NEO1: variants seen among roughly 807,000 people sequenced by gnomAD.
NEO1 encodes neogenin 1.
NEO1 carries 63 observed loss-of-function variants against 159.7 expected under a neutral mutation model. The ratio of observed to expected loss-of-function variants is 0.39; its 90% CI spans 0.32 to 0.49. NEO1 has a LOEUF of 0.49. NEO1 is among the 20% of genes least tolerant of loss of function. The probability of loss-of-function intolerance (pLI) is 0.85; values close to 1 mark genes in which losing one functional copy is unlikely to be tolerated. For missense variants in NEO1, 1,615 were observed against 1,831.0 expected (o/e 0.88, Z 2.15); for synonymous variants, 633 against 662.0 (o/e 0.96, Z 0.67).
chr15:73,190,308 C>T (rs2036169783), intron 7 of NEO1, among the ~76,000 whole-genome samples: 1 of 152,030 alleles, frequency 6.6e-6, no homozygotes, highest in East Asian at 1.9e-4. Flanking sequence ...CTTTTTCTGT[C>T]CTTTCATACC....
chr15:73,195,402 A>T (rs919974165), intron 7 of NEO1, among the ~76,000 whole-genome samples: 1 of 152,270 alleles, frequency 6.6e-6, no homozygotes, highest in Non-Finnish European at 1.5e-5. Flanking sequence ...TATAGTTTCC[A>T]TGCTGCGTCT....
chr15:73,183,202 A>G (rs1360309785), intron 7 of NEO1, among the ~76,000 whole-genome samples: 1 of 152,118 alleles, frequency 6.6e-6, no homozygotes, highest in Middle Eastern at 3.2e-3. Flanking sequence ...CTGCAGCTGC[A>G]GAGAGAGAAT....
chr15:73,133,854 C>G (rs1053862982), intron 4 of NEO1, among the ~76,000 whole-genome samples: 1 of 152,102 alleles, frequency 6.6e-6, no homozygotes, highest in Non-Finnish European at 1.5e-5. Flanking sequence ...GGAGTAAAAT[C>G]AATCCCGTTA....
intron 7 of NEO1, among the ~76,000 whole-genome samples, chr15:73,216,782 T>C (rs1347196173): frequency 6.6e-6 from 1 of 152,204 alleles, no homozygotes; most frequent in Non-Finnish European, 1.5e-5. Context: ...ATGGGGTTGT[T>C]TTTTTCTTGT....
In NEO1 at chr15:73,282,525, G is replaced by T. The variant is rs551143580; in HGVS notation, c.3263-439G>T. On this transcript the variant is annotated intron_variant, in intron 22 of 28. Transcript: ENST00000261908. ...TTTTTATAATCTCAGATATCTGCCT[G>T]TTGGGGAAAACTTCTGCTTTGTATG... is the stretch of plus-strand genomic sequence containing the variant. Among the ~76,000 whole-genome samples the T allele has an allele frequency of 2.6e-5, 4 of 152,334 alleles. No homozygotes were observed. In the South Asian group the frequency reaches 6.2e-4, roughly 24 times the overall value.
In NEO1 at chr15:73,085,303, AG is replaced by A. The variant is rs549585853; in HGVS notation, c.131-31236del. ...TAGATGAATCTCAATGTTGTATGAA[AG>A]TTTGTTCCTTTTCATCACTGAGTAG... On this transcript the variant is annotated intron_variant, in intron 1 of 28. Coordinates refer to ENST00000261908, the MANE Select transcript of NEO1 (RefSeq NM_002499.4). Among the ~76,000 whole-genome samples the A allele has an allele frequency of 4.4e-3, 665 of 152,242 alleles. 1 individual carries two copies. The highest frequency in any genetic ancestry group is 7.8e-3 in the Non-Finnish European group (530 of 68,012).
intron 13 of NEO1, chr15:73,255,623 T>C (rs2040301154): frequency 6.6e-6 from 1 of 152,282 alleles, no homozygotes; most frequent in Non-Finnish European, 1.5e-5. Flanking sequence ...ATGCTTAATA[T>C]GGCTGCAGAA....
intron 5 of NEO1, among the ~76,000 whole-genome samples, chr15:73,172,498 A>G (rs1294356058): frequency 6.6e-6 from 1 of 152,220 alleles, no homozygotes; most frequent in Non-Finnish European, 1.5e-5. Flanking sequence ...GGAATAGTCT[A>G]GTTGAATTCC....
At chr15:73,112,717 G>C (rs2071071728) in intron 1 of NEO1, among the ~76,000 whole-genome samples, 1 of 152,086 alleles carries the variant, frequency 6.6e-6, no homozygotes, top group Admixed American at 6.5e-5. Flanking sequence ...CTACCTGTTC[G>C]ACCTTTGACA....
chr15:73,220,185 T>C (rs931054345), intron 7 of NEO1, among the ~76,000 whole-genome samples: 4 of 152,082 alleles, frequency 2.6e-5, no homozygotes, highest in Admixed American at 6.5e-5. Context: ...ACTTATGAAG[T>C]TTAGTTTGGC....
upstream of NEO1, among the ~76,000 whole-genome samples, chr15:73,052,265 G>A (rs2067471122): frequency 6.9e-6 from 1 of 144,212 alleles, no homozygotes; most frequent in South Asian, 2.1e-4. Context: ...GGCGAGGCGC[G>A]CGCGTGCGCG....
chr15:73,074,263 G>A (rs758413677), intron 1 of NEO1, among the ~76,000 whole-genome samples: 22 of 152,300 alleles, frequency 1.4e-4, no homozygotes, highest in African/African-American at 5.1e-4. Flanking sequence ...TTCTAAAAAC[G>A]GGTTCTGTCT....
At chr15:73,266,823 C>T (rs1485665034) in intron 16 of NEO1, among the ~76,000 whole-genome samples, 1 of 152,154 alleles carries the variant, frequency 6.6e-6, no homozygotes, top group Non-Finnish European at 1.5e-5. Flanking sequence ...TACTAGCCAC[C>T]TGAGTTGGTT....
intron 1 of NEO1, among the ~76,000 whole-genome samples, chr15:73,088,507 T>G (rs759323312): frequency 7.0e-4 from 107 of 152,056 alleles, no homozygotes; most frequent in African/African-American, 1.5e-3. Flanking sequence ...ACCTGATACT[T>G]GTGATGGAAA....
chr15:73,284,347 A>G (rs1317377276), intron 23 of NEO1, among the ~76,000 whole-genome samples: 1 of 152,222 alleles, frequency 6.6e-6, no homozygotes, highest in African/African-American at 2.4e-5. Context: ...GAATGCATGT[A>G]TTTAATAATC....
At chr15:73,177,734 T>A (rs1368911842) in intron 6 of NEO1, among the ~76,000 whole-genome samples, 2 of 152,036 alleles carry the variant, frequency 1.3e-5, no homozygotes, top group Non-Finnish European at 2.9e-5. Flanking sequence ...AGAGATGGGG[T>A]TTCACTGTGT....
chr15:73,285,802 A>G (rs1196303828), intron 23 of NEO1, among the ~76,000 whole-genome samples: 1 of 152,126 alleles, frequency 6.6e-6, no homozygotes, highest in East Asian at 1.9e-4. Context: ...GATAAGAACA[A>G]CCTCAGCACA....
chr15:73,077,579 A>G (rs942231064), intron 1 of NEO1, among the ~76,000 whole-genome samples: 3 of 152,234 alleles, frequency 2.0e-5, no homozygotes, highest in African/African-American at 4.8e-5. Flanking sequence ...CTGAAGGAGA[A>G]GTCCAGTCTA....
intron 5 of NEO1, among the ~76,000 whole-genome samples, chr15:73,147,951 T>C (rs746975014): frequency 6.6e-6 from 1 of 151,990 alleles, no homozygotes; most frequent in African/African-American, 2.4e-5. Flanking sequence ...GTAGCTGGGA[T>C]TACAGGCACC....
Sources: allele counts gnomAD v4.1 joint callset (sites outside exome capture counted in the v4.1 genomes callset), GRCh38; gene constraint gnomAD v4.1.1; transcripts MANE v1.5; gene names NCBI Gene and HGNC (gene_info 2026-07-23, HGNC 2026-07-21).